Variants in UBE2E2 observed in about 807,000 individuals in gnomAD.
The protein encoded by UBE2E2 is ubiquitin conjugating enzyme E2 E2.
UBE2E2 carries 6 observed loss-of-function variants against 24.7 expected under a neutral mutation model. The observed-to-expected ratio is 0.24, with a 90% CI of 0.13 to 0.48. The LOEUF (loss-of-function observed/expected upper bound fraction) is 0.48. Among genes scored for constraint, UBE2E2 ranks in the 20% least tolerant of loss-of-function variants. UBE2E2 has a pLI of 0.99. For missense variants in UBE2E2, 169 were observed against 245.0 expected, an observed-to-expected ratio of 0.69 and a Z score of 2.07; for synonymous variants, 104 against 83.6, an observed-to-expected ratio of 1.24 and a Z score of -1.33.
At chr3:23,477,314 G>A (rs1699161074) in intron 3 of UBE2E2, among the ~76,000 whole-genome samples, 1 of 152,142 alleles carries the variant, frequency 6.6e-6, no homozygotes, top group South Asian at 2.1e-4. Flanking sequence ...TGTGTAAGTA[G>A]AGAAATTTCA....
At chr3:23,479,744 C>T (rs539270379) in intron 3 of UBE2E2, among the ~76,000 whole-genome samples, 1 of 152,218 alleles carries the variant, frequency 6.6e-6, no homozygotes, top group African/African-American at 2.4e-5. Flanking sequence ...GCAGCTTGTC[C>T]CAATGAATGT....
At chr3:23,373,126 C>G (rs567639339) in intron 3 of UBE2E2, among the ~76,000 whole-genome samples, 7 of 152,162 alleles carry the variant, frequency 4.6e-5, no homozygotes, top group African/African-American at 1.2e-4. Flanking sequence ...CTCAACTCCC[C>G]ATGGAAACTG....
At chr3:23,353,902 G>A (rs1369365764) in intron 3 of UBE2E2, among the ~76,000 whole-genome samples, 4 of 152,002 alleles carry the variant, frequency 2.6e-5, no homozygotes, top group South Asian at 2.1e-4. Context: ...AGTTCATATG[G>A]AACCAAAAAA....
intron 3 of UBE2E2, among the ~76,000 whole-genome samples, chr3:23,218,072 T>C (rs1260390979): frequency 6.6e-6 from 1 of 152,108 alleles, no homozygotes; most frequent in Non-Finnish European, 1.5e-5. Context: ...GTTTTTCTGG[T>C]TTAAAATGAT....
At chr3:23,366,649 A>G (rs1696263859) in intron 3 of UBE2E2, among the ~76,000 whole-genome samples, 1 of 152,076 alleles carries the variant, frequency 6.6e-6, no homozygotes, top group Admixed American at 6.6e-5. Flanking sequence ...GGGATTGAAA[A>G]ACTGCCTGTT....
chr3:23,530,164 C>T (rs1445729076), intron 4 of UBE2E2, among the ~76,000 whole-genome samples: 2 of 152,102 alleles, frequency 1.3e-5, no homozygotes, highest in African/African-American at 2.4e-5. Context: ...TGTAAAGCTT[C>T]TTTTGTGGCT....
intron 3 of UBE2E2, among the ~76,000 whole-genome samples, chr3:23,400,545 C>A (rs1035600337): frequency 6.6e-6 from 1 of 151,226 alleles, no homozygotes; most frequent in South Asian, 2.1e-4. Context: ...AGCATATGGT[C>A]AGCAGTTACT....
At chr3:23,246,769 G>T (rs955898063) in intron 3 of UBE2E2, among the ~76,000 whole-genome samples, 3 of 152,178 alleles carry the variant, frequency 2.0e-5, no homozygotes, top group African/African-American at 7.2e-5. Context: ...AAAAACCACA[G>T]TGGAATATGT....
chr3:23,530,087 G>A (rs1695087270), intron 4 of UBE2E2, among the ~76,000 whole-genome samples: 3 of 152,140 alleles, frequency 2.0e-5, no homozygotes, highest in Non-Finnish European at 2.9e-5. Flanking sequence ...ACATATGATA[G>A]GGGGATCTTT....
At chr3:23,304,904 A>C (rs984894790) in intron 3 of UBE2E2, among the ~76,000 whole-genome samples, 1 of 151,982 alleles carries the variant, frequency 6.6e-6, no homozygotes, top group Admixed American at 6.6e-5. Context: ...CTTTGAGTGA[A>C]TCTTACCCAT....
chr3:23,271,861 C>T lies in UBE2E2; in HGVS notation c.227+54549C>T, dbSNP rs558335200. Among the ~76,000 whole-genome samples the T allele has an allele frequency of 3.9e-5, 6 of 152,356 alleles. No individual in the cohort carries two copies. The East Asian group carries it at 7.7e-4, about 20-fold the overall frequency. ...TACAGAGTGCTCATTGGTGCATCCA[C>T]GAACCCTGAGCTAGACACAGAGTGC... is the stretch of plus-strand genomic sequence containing the variant. On this transcript the variant is annotated intron_variant, in intron 3 of 5. Coordinates refer to ENST00000396703, the MANE Select transcript of UBE2E2 (RefSeq NM_152653.4).
intron 3 of UBE2E2, among the ~76,000 whole-genome samples, chr3:23,431,072 A>G (rs959377803): frequency 3.9e-5 from 6 of 152,138 alleles, no homozygotes; most frequent in Non-Finnish European, 1.5e-5. Flanking sequence ...ATGGAGTGGG[A>G]TGGGACAAGT....
At chr3:23,445,571 G>A (rs1698409260) in intron 3 of UBE2E2, among the ~76,000 whole-genome samples, 1 of 152,180 alleles carries the variant, frequency 6.6e-6, no homozygotes, top group South Asian at 2.1e-4. Flanking sequence ...CCTGAATAAG[G>A]CTGCAGTGCA....
intron 3 of UBE2E2, among the ~76,000 whole-genome samples, chr3:23,418,680 C>G (rs1254634573): frequency 6.6e-6 from 1 of 152,100 alleles, no homozygotes; most frequent in East Asian, 1.9e-4. Flanking sequence ...CAATAATAGA[C>G]TATTTTCTGG....
At chr3:23,334,902 T>G (rs1695161923) in intron 3 of UBE2E2, among the ~76,000 whole-genome samples, 1 of 152,232 alleles carries the variant, frequency 6.6e-6, no homozygotes, top group Admixed American at 6.5e-5. Flanking sequence ...TGTTTGAAAT[T>G]CAGCTATTTT....
chr3:23,568,467 G>T (rs910670577), intron 5 of UBE2E2, among the ~76,000 whole-genome samples: 1 of 151,628 alleles, frequency 6.6e-6, no homozygotes, highest in South Asian at 2.1e-4. Context: ...GTAGACAGAA[G>T]AGACAATCAG....
At chr3:23,522,597 GGAAA>G (rs1330197296) in intron 4 of UBE2E2, among the ~76,000 whole-genome samples, 1 of 151,772 alleles carries the variant, frequency 6.6e-6, no homozygotes, top group African/African-American at 2.4e-5. Context: ...CCATTGAGAA[GGAAA>G]CCTCTATATG....
chr3:23,277,794 A>G (rs1698403777), intron 3 of UBE2E2, among the ~76,000 whole-genome samples: 1 of 152,108 alleles, frequency 6.6e-6, no homozygotes, highest in Non-Finnish European at 1.5e-5. Flanking sequence ...TATTGGTGCC[A>G]TTCAAAGCAC....
chr3:23,349,769 G>A (rs917592058), intron 3 of UBE2E2, among the ~76,000 whole-genome samples: 1 of 152,258 alleles, frequency 6.6e-6, no homozygotes, highest in Non-Finnish European at 1.5e-5. Context: ...GCCCAAGGAG[G>A]CCTGCCTGCC....
Sources: allele counts gnomAD v4.1 joint callset (sites outside exome capture counted in the v4.1 genomes callset), GRCh38; gene constraint gnomAD v4.1.1; transcripts MANE v1.5; gene names NCBI Gene and HGNC (gene_info 2026-07-23, HGNC 2026-07-21).